KIF7: variants seen among roughly 807,000 people sequenced by gnomAD.
KIF7 encodes the protein kinesin family member 7.
In KIF7, 104 loss-of-function variants were observed where a neutral mutation model predicts 135.7. That is an observed-to-expected ratio of 0.77 (90% CI 0.65 to 0.90). KIF7 has a LOEUF of 0.90. Among genes scored for constraint, KIF7 ranks in the 40% least tolerant of loss-of-function variants. The pLI, the probability that KIF7 is intolerant of heterozygous loss-of-function variation, is 0.00. For synonymous variants in KIF7, 883 were observed against 809.4 expected, an observed-to-expected ratio of 1.09 and a Z score of -1.54; for missense variants, 2,005 against 1,839.1, an observed-to-expected ratio of 1.09 and a Z score of -1.65.
At chr15:89,621,982 CTTTTTT>C (rs34123859) in intron 1 of KIF7, among the ~76,000 whole-genome samples, 271 of 87,744 alleles carry the variant, frequency 3.1e-3, no homozygotes, top group African/African-American at 0.012. Context: ...CAAACTGACT[CTTTTTT>C]TTTTTTTTTT....
intron 15 of KIF7, chr15:89,630,933 G>C (rs1337351656): frequency 3.2e-6 from 1 of 314,998 alleles, no homozygotes. Flanking sequence ...ACACACCTAG[G>C]CTACAAGCCT....
At chr15:89,624,558 C>A (rs1032890515), downstream of KIF7, 8 of 1,613,628 alleles carry the variant, frequency 5.0e-6, no homozygotes, top group Non-Finnish European at 6.8e-6. Context: ...GCCCAGCTGC[C>A]CCCACAGACT....
exon 2 of KIF7, chr15:89,618,103 G>T: frequency 6.4e-7 from 1 of 1,571,962 alleles, no homozygotes; most frequent in Non-Finnish European, 8.8e-7. Flanking sequence ...CTTAATAAGT[G>T]TTAATTACAA....
At chr15:89,657,504 T>C (rs12595195), upstream of KIF7, among the ~76,000 whole-genome samples, 38,567 of 152,070 alleles carry the variant, frequency 0.25, 5,059 homozygotes, top group East Asian at 0.43. Context: ...GGATGTGCAG[T>C]GTTTTTCTGT....
At chr15:89,655,039 C>A (rs1208158227) in intron 1 of KIF7, among the ~76,000 whole-genome samples, 1 of 152,226 alleles carries the variant, frequency 6.6e-6, no homozygotes, top group East Asian at 1.9e-4. Context: ...AGGCGCTATT[C>A]GGAGCCGGGG....
At position 89,628,709 on chromosome 15, in the gene KIF7, G is replaced by T; in HGVS notation, c.3742C>A (p.Leu1248Ile). ...NEDELHLAPE[L>I]LWLSPLTEGA... Reference sequence around the variant, plus strand: ...TCAGTGAGGGGGGACAGCCAGAGAAGCTCGGGTGCCAGGTGGAGCTCATCT... The same window carrying T: ...TCAGTGAGGGGGGACAGCCAGAGAATCTCGGGTGCCAGGTGGAGCTCATCT... The change falls in exon 19 of 19, where the codon CTT becomes ATT. Residue 1248 changes from leucine (L) to isoleucine (I), a missense_variant. By Grantham distance (5) the Leu-to-Ile change is conservative (BLOSUM62 2). Transcript: ENST00000394412. 6.2e-7 allele frequency: 1 copy of T among 1,613,092 alleles called. No homozygotes were observed. Among genetic ancestry groups the T allele is most frequent in the Non-Finnish European group, 8.5e-7 (1 of 1,179,936 alleles).
Position 89,629,060 on chromosome 15 carries a change from C to T in KIF7, c.3580G>A (p.Glu1194Lys). ...RQYEARIQAL[E>K]KELGRYMWIN... ...CACATGTAACGGCCCAGTTCCTTCT[C>T]CAGAGCTTGAATCCGGGCCTCATAC... is the stretch of plus-strand genomic sequence containing the variant. The change falls in exon 18 of 19, where the codon GAG (glutamate) becomes AAG (lysine). Residue 1194 changes from glutamate to lysine, a missense_variant. Coordinates refer to ENST00000394412, the MANE Select transcript of KIF7 (RefSeq NM_198525.3). The T allele has an allele frequency of 1.2e-6, 2 of 1,613,450 alleles. No homozygotes were observed. Among genetic ancestry groups the T allele is most frequent in the African/African-American group, 2.7e-5 (2 of 74,726 alleles).
intron 7 of KIF7, 59 bp downstream of exon 7, chr15:89,646,771 G>T: frequency 2.0e-6 from 3 of 1,516,340 alleles, no homozygotes; most frequent in Non-Finnish European, 2.7e-6. Flanking sequence ...CCCTTCCCCT[G>T]CCCCGAACTT....
chr15:89,638,950 T>G (rs1347099678), intron 11 of KIF7, among the ~76,000 whole-genome samples: 1 of 151,906 alleles, frequency 6.6e-6, no homozygotes, highest in Middle Eastern at 3.4e-3. Context: ...AACAGAGATA[T>G]AGATCAATGG....
At position 89,642,275 on chromosome 15, in the gene KIF7, G is replaced by T. The variant is rs145339415; in HGVS notation, c.2322C>A (p.Leu774=). Residue 774 remains leucine, a synonymous_variant, in exon 11 of 19, where the codon CTC becomes CTA. Coordinates refer to ENST00000394412, the MANE Select transcript of KIF7 (RefSeq NM_198525.3). The part of the protein sequence containing the change: ...RQLRELEGKE[L]QDAGERSRLQ... ...GCCGAGACCGCTCGCCAGCATCCTG[G>T]AGCTCCTTGCCCTCGAGCTCCCGCA... 486 of 1,610,328 alleles carry T rather than the reference G, an allele frequency of 3.0e-4. 3 individuals are homozygous for T. Among genetic ancestry groups the T allele is most frequent in the Non-Finnish European group, 4.0e-4 (476 of 1,179,722 alleles).
In KIF7 at chr15:89,646,545, T is replaced by G. The variant is rs559098088; in HGVS notation, c.1788+285A>C. Among the ~76,000 whole-genome samples, 6 of 152,018 alleles carry G rather than the reference T, an allele frequency of 3.9e-5. No individual in the cohort carries two copies. The South Asian group carries it at 1.2e-3, about 32-fold the overall frequency. On this transcript the variant is annotated intron_variant, in intron 7 of 18. Transcript: ENST00000394412. The stretch of plus-strand genomic sequence containing the variant: ...TCTCCGTATGCAGAAGTGTGCAAGG[T>G]TTCCACCCGATGCCGGAAGCCTGAA...
intron 1 of KIF7, among the ~76,000 whole-genome samples, chr15:89,653,179 C>T (rs1047868656): frequency 6.6e-6 from 1 of 152,154 alleles, no homozygotes; most frequent in African/African-American, 2.4e-5. Context: ...CCGGCACTGG[C>T]GAAATGAGGC....
chr15:89,643,217 T>G (rs1444588186), intron 10 of KIF7, among the ~76,000 whole-genome samples: 1 of 152,206 alleles, frequency 6.6e-6, no homozygotes, highest in Non-Finnish European at 1.5e-5. Flanking sequence ...AAATTATATT[T>G]TTCTAAATAA....
chr15:89,645,644 T>C (rs942702424), intron 8 of KIF7, among the ~76,000 whole-genome samples, 193 bp from the exon 9 acceptor site: 1 of 152,062 alleles, frequency 6.6e-6, no homozygotes, highest in African/African-American at 2.4e-5. Flanking sequence ...GCTGGGGGCA[T>C]AGAGGGCCAC....
At chr15:89,651,969 G>A (rs1195493740) in intron 2 of KIF7, among the ~76,000 whole-genome samples, 1 of 152,178 alleles carries the variant, frequency 6.6e-6, no homozygotes, top group Admixed American at 6.5e-5. Flanking sequence ...CCTTCAATCT[G>A]CTGGTGCCTT....
downstream of KIF7, chr15:89,625,880 G>A: frequency 6.5e-7 from 1 of 1,543,424 alleles, no homozygotes; most frequent in Non-Finnish European, 8.7e-7. Flanking sequence ...TGGGAGGCCT[G>A]GGCTTCCCGG....
chr15:89,639,538 A>C (rs1484073596), intron 11 of KIF7, among the ~76,000 whole-genome samples: 1 of 131,322 alleles, frequency 7.6e-6, no homozygotes. Flanking sequence ...AACACATGAA[A>C]AAATGCTCAC....
At chr15:89,654,183 G>C (rs1225192404) in intron 1 of KIF7, among the ~76,000 whole-genome samples, 1 of 151,962 alleles carries the variant, frequency 6.6e-6, no homozygotes, top group African/African-American at 2.4e-5. Context: ...CTAATTTTTT[G>C]TATTTTTCAT....
At chr15:89,619,642 G>T in intron 1 of KIF7, 1 of 1,542,638 alleles carries the variant, frequency 6.5e-7, no homozygotes, top group Non-Finnish European at 8.7e-7. Flanking sequence ...CCCGGTTTTG[G>T]ACAACATGAG....
Sources: allele counts gnomAD v4.1 joint callset (sites outside exome capture counted in the v4.1 genomes callset), GRCh38; gene constraint gnomAD v4.1.1; transcripts MANE v1.5; gene names NCBI Gene and HGNC (gene_info 2026-07-23, HGNC 2026-07-21).